ANK2: variants seen among roughly 807,000 people sequenced by gnomAD.
ANK2 encodes ankyrin-2.
A neutral mutation model predicts 360.5 loss-of-function variants in ANK2; 83 were observed. The ratio of observed to expected loss-of-function variants is 0.23; its 90% CI spans 0.19 to 0.28. The LOEUF is 0.28. ANK2 is among the 10% of genes least tolerant of loss of function. The pLI, the probability that ANK2 is intolerant of heterozygous loss-of-function variation, is 1.00. For synonymous variants in ANK2, 1,740 were observed against 1,759.5 expected (o/e 0.99, Z 0.28); for missense variants, 4,201 against 4,795.7 (o/e 0.88, Z 3.66).
chr4:112,752,511 G>A, the ANK2 span, among the ~76,000 whole-genome samples: 4 of 151,248 alleles, frequency 2.6e-5, no homozygotes, highest in Non-Finnish European at 5.9e-5. Flanking sequence ...TAGTAACTGT[G>A]TCTACAGACA....
At chr4:113,172,038 G>A (rs2097982213) in intron 1 of ANK2, among the ~76,000 whole-genome samples, 1 of 152,176 alleles carries the variant, frequency 6.6e-6, no homozygotes, top group East Asian at 1.9e-4. Flanking sequence ...ATCATGTTAA[G>A]CATGTAGAGG....
At chr4:113,273,968 A>C (rs2059382022) in intron 14 of ANK2, among the ~76,000 whole-genome samples, 1 of 152,184 alleles carries the variant, frequency 6.6e-6, no homozygotes, top group Non-Finnish European at 1.5e-5. Flanking sequence ...CCTTGAAGAA[A>C]ATGACCAGCA....
At chr4:112,930,582 G>T (rs547279945) in intron 2 of ANK2, among the ~76,000 whole-genome samples, 1 of 152,140 alleles carries the variant, frequency 6.6e-6, no homozygotes, top group South Asian at 2.1e-4. Context: ...AAAAAAAAAT[G>T]TAGGAGTAAG....
intron 1 of ANK2, among the ~76,000 whole-genome samples, chr4:113,052,651 AT>A (rs1336719413): frequency 6.6e-6 from 1 of 152,188 alleles, no homozygotes; most frequent in African/African-American, 2.4e-5. Context: ...AAGGTTGTCT[AT>A]TTTGGCTTCA....
At chr4:112,906,770 G>A (rs1261327906) in intron 2 of ANK2, among the ~76,000 whole-genome samples, 14 of 152,148 alleles carry the variant, frequency 9.2e-5, no homozygotes, top group Admixed American at 9.2e-4. Context: ...GGCAAGGATT[G>A]AAGTATCGTT....
intron 1 of ANK2, among the ~76,000 whole-genome samples, chr4:113,135,315 C>T (rs2154380922): frequency 6.6e-6 from 1 of 151,668 alleles, no homozygotes; most frequent in African/African-American, 2.4e-5. Flanking sequence ...AAAGTGATGG[C>T]CACACAGAGG....
intron 2 of ANK2, among the ~76,000 whole-genome samples, chr4:112,951,048 C>G (rs866766683): frequency 3.6e-5 from 5 of 137,166 alleles, no homozygotes; most frequent in African/African-American, 1.4e-4. Context: ...CGCCACTGCA[C>G]TCCAGCCTGG....
chr4:112,726,440 C>T, the ANK2 span, among the ~76,000 whole-genome samples: 2 of 152,264 alleles, frequency 1.3e-5, no homozygotes, highest in African/African-American at 2.4e-5. Flanking sequence ...GATGAACATT[C>T]GTATTGGAGA....
At chr4:112,825,560 C>G (rs1004107061) in intron 1 of ANK2, among the ~76,000 whole-genome samples, 1 of 152,184 alleles carries the variant, frequency 6.6e-6, no homozygotes, top group African/African-American at 2.4e-5. Flanking sequence ...ACTACCAATA[C>G]TACAAAAGCA....
rs35359140 is a variant in ANK2 at position 112,898,028 on chromosome 4, C to T, written c.-39-6427C>T. ...GTGAGAAAATATTTTGACATTTTAT[C>T]AAAGGAGAAGCCAACCATCTTTATC... On this transcript the variant is annotated intron_variant, in intron 1 of 30. Transcript: ENST00000503271. 5.1e-3 allele frequency among the ~76,000 whole-genome samples: 783 copies of T among 152,094 alleles called. 9 individuals are homozygous for T. The highest frequency in any genetic ancestry group is 0.018 in the African/African-American group (731 of 41,498).
rs374253227 is a variant in ANK2, at chr4:113,240,587, T to C, written c.792+4T>C. 3.2e-5 allele frequency: 51 copies of C among 1,603,018 alleles called. No homozygotes were observed. The highest frequency in any genetic ancestry group is 4.0e-5 in the Non-Finnish European group (47 of 1,170,030). ...TGCTGTGGACTTCACAGCCAGGGTA[T>C]GGATTGAAATAGTTTCTCATTCTAG... On this transcript the variant is annotated splice_donor_region_variant and intron_variant, in intron 8 of 45. Coordinates refer to ENST00000357077, the MANE Select transcript of ANK2 (RefSeq NM_001148.6).
At chr4:112,810,523 A>C in the ANK2 span, among the ~76,000 whole-genome samples, 1 of 152,082 alleles carries the variant, frequency 6.6e-6, no homozygotes, top group African/African-American at 2.4e-5. Context: ...CTGTTAGTTG[A>C]GAAAAGTTCT....
intron 1 of ANK2, among the ~76,000 whole-genome samples, chr4:113,116,205 A>G (rs1374516429): frequency 6.6e-6 from 1 of 152,214 alleles, no homozygotes; most frequent in African/African-American, 2.4e-5. Flanking sequence ...TTGCTTTTCA[A>G]GTAAATTTGC....
At chr4:112,830,408 A>T (rs77288922) in intron 1 of ANK2, among the ~76,000 whole-genome samples, 18,032 of 152,212 alleles carry the variant, frequency 0.12, 1,804 homozygotes, top group African/African-American at 0.27. Context: ...CAGGAAACAA[A>T]ATACCAGATG....
At chr4:113,002,386 A>G (rs534753790) in intron 2 of ANK2, among the ~76,000 whole-genome samples, 1 of 152,368 alleles carries the variant, frequency 6.6e-6, no homozygotes, top group Non-Finnish European at 1.5e-5. Context: ...GCAGCCATAA[A>G]AAATGATGAG....
intron 1 of ANK2, among the ~76,000 whole-genome samples, chr4:113,098,031 A>G (rs1033815064): frequency 6.6e-6 from 1 of 151,494 alleles, no homozygotes; most frequent in Non-Finnish European, 1.5e-5. Context: ...TGGACAAGCC[A>G]TGTTTCAGAG....
chr4:113,164,841 C>G (rs2097695101), intron 1 of ANK2, among the ~76,000 whole-genome samples: 1 of 151,998 alleles, frequency 6.6e-6, no homozygotes, highest in Admixed American at 6.6e-5. Context: ...CTCTAAACAT[C>G]CTGTAATATT....
chr4:112,826,715 C>T (rs2058484182), intron 1 of ANK2: 5 of 825,510 alleles, frequency 6.1e-6, no homozygotes, highest in Non-Finnish European at 1.0e-5. Context: ...TGCCAGTGAA[C>T]ACCATAATAC....
At chr4:113,040,818 G>A (rs2062765999) in intron 2 of ANK2, among the ~76,000 whole-genome samples, 1 of 152,004 alleles carries the variant, frequency 6.6e-6, no homozygotes, top group Non-Finnish European at 1.5e-5. Context: ...ACTAATTGTG[G>A]TACCTTGAGA....
Sources: allele counts gnomAD v4.1 joint callset (sites outside exome capture counted in the v4.1 genomes callset), GRCh38; gene constraint gnomAD v4.1.1; transcripts MANE v1.5; gene names NCBI Gene and HGNC (gene_info 2026-07-23, HGNC 2026-07-21).